PLEC: variants seen among roughly 807,000 people sequenced by gnomAD.
PLEC encodes hemidesmosomal protein 1.
A neutral mutation model predicts 392.8 loss-of-function variants in PLEC; 216 were observed. The observed-to-expected ratio is 0.55, with a 90% confidence interval of 0.49 to 0.62. The LOEUF is 0.62. Among genes scored for constraint, PLEC ranks in the 20% least tolerant of loss-of-function variants. PLEC has a pLI of 0.00. For missense variants in PLEC, 6,863 were observed against 6,563.4 expected (o/e 1.05, Z -1.58); for synonymous variants, 3,621 against 2,980.6 (o/e 1.21, Z -7.00).
chr8:143,941,188 C>T (rs1467916559), upstream of PLEC, among the ~76,000 whole-genome samples: 1 of 152,180 alleles, frequency 6.6e-6, no homozygotes, highest in African/African-American at 2.4e-5. Context: ...TCTGGGGGCC[C>T]GGCCGTGACC....
At chr8:143,959,155 G>C (rs1403193346) in intron 1 of PLEC, among the ~76,000 whole-genome samples, 1 of 152,242 alleles carries the variant, frequency 6.6e-6, no homozygotes, top group East Asian at 1.9e-4. Flanking sequence ...TGCAGGCGCA[G>C]CTCTCGGTCC....
Position 143,923,506 on chromosome 8 carries a change from C to T in PLEC, c.6423G>A (p.Glu2141=). ...CCCGCCGCGCCGCCTCTTGCTCGGCCTCCTTGCGCAGCTTCTCTGCAGCCG... is the reference window on the plus strand; with the variant it reads ...CCCGCCGCGCCGCCTCTTGCTCGGCTTCCTTGCGCAGCTTCTCTGCAGCCG... The part of the protein sequence containing the change: ...AQAAAEKLRK[E]AEQEAARRAQ... Residue 2141 remains glutamate, a synonymous_variant, in exon 31 of 32, where the codon GAG becomes GAA. Coordinates refer to ENST00000345136, the MANE Select transcript of PLEC (RefSeq NM_201384.3). The T allele has an allele frequency of 6.3e-7, 1 of 1,597,480 alleles. No individual in the cohort carries two copies.
chr8:143,928,861 C>T (rs950584367), intron 25 of PLEC, among the ~76,000 whole-genome samples: 1 of 152,320 alleles, frequency 6.6e-6, no homozygotes, highest in African/African-American at 2.4e-5. Context: ...TCCACTGTCT[C>T]TTCCCCACAC....
In PLEC at chr8:143,918,805, G is replaced by C. The variant is rs376687476; in HGVS notation, c.11016C>G (p.Ser3672Arg). Residue 3672 changes from serine to arginine, a missense_variant, in exon 32 of 32, where the codon AGC becomes AGG. Transcript: ENST00000345136. Reference sequence around the variant, plus strand: ...ACTCCGCCTCGAGAGCCTCACGGAGGCTCCTGGTGCCCTCCCGGAGCAGGT... The same window carrying C: ...ACTCCGCCTCGAGAGCCTCACGGAGCCTCCTGGTGCCCTCCCGGAGCAGGT... ...TYNLLREGTRSLREALEAESA... is the reference protein window; with the variant it reads ...TYNLLREGTRRLREALEAESA... 4.3e-6 allele frequency: 7 copies of C among 1,613,074 alleles called. No individual in the cohort carries two copies. Among genetic ancestry groups the C allele is most frequent in the Non-Finnish European group, 5.9e-6 (7 of 1,180,030 alleles).
At chr8:143,943,048 T>C (rs1293189792), upstream of PLEC, among the ~76,000 whole-genome samples, 1 of 152,130 alleles carries the variant, frequency 6.6e-6, no homozygotes, top group Non-Finnish European at 1.5e-5. Context: ...CCAAGTCCCA[T>C]CCTGGCAGCT....
At position 143,922,531 on chromosome 8, in the gene PLEC, G is replaced by T; in HGVS notation, c.7398C>A (p.Ala2466=). Residue 2466 remains alanine (A), a synonymous_variant, in exon 31 of 32, where the codon GCC becomes GCA. Transcript: ENST00000345136. ...CCTCAGACTTGAGCTGCAGCAGTTTGGCCTCCTGTTGGAGCTTCTCCTTCT... is the reference window on the plus strand; with the variant it reads ...CCTCAGACTTGAGCTGCAGCAGTTTTGCCTCCTGTTGGAGCTTCTCCTTCT... ...EREKEKLQQE[A]KLLQLKSEEM... 1 of 1,611,638 alleles carries T rather than the reference G, an allele frequency of 6.2e-7. No individual in the cohort carries two copies.
chr8:143,916,679 T>C lies in PLEC; in HGVS notation c.13142A>G (p.Tyr4381Cys). ...CTCCAGGAAGCGCTGGCCGGCCTCG[T>C]AGTAGAGCCAGCCCTTCTTCAGGGC... is the stretch of plus-strand genomic sequence containing the variant. ...AQALKKGWLY[Y>C]EAGQRFLEVQ... Residue 4381 changes from tyrosine (Y) to cysteine (C), a missense_variant, in exon 32 of 32, where the codon TAC (tyrosine) becomes TGC (cysteine). Transcript: ENST00000345136. The C allele has an allele frequency of 7.4e-6, 12 of 1,611,944 alleles. No homozygotes were observed. The highest frequency in any genetic ancestry group is 1.0e-5 in the Non-Finnish European group (12 of 1,179,466).
intron 3 of PLEC, 24 bp from the exon 4 acceptor site, chr8:143,937,266 C>A: frequency 6.3e-7 from 1 of 1,586,638 alleles, no homozygotes; most frequent in Non-Finnish European, 8.6e-7. Context: ...CAGTCAGCAC[C>A]CACAGTGCAG....
Position 143,920,502 on chromosome 8 carries a change from C to T in PLEC, c.9319G>A (p.Asp3107Asn). Reference protein sequence around the residue: ...SAEKAVTGYRDPYTGQSVSLF... With the variant: ...SAEKAVTGYRNPYTGQSVSLF... ...GAGACGCTCTGCCCTGTGTAGGGGT[C>T]CCTGTACCCTGTCACAGCCTTCTCG... Residue 3107 changes from aspartate to asparagine, a missense_variant, in exon 32 of 32, where the codon GAC becomes AAC. Asp to Asn is a conservative substitution (Grantham distance 23). Transcript: ENST00000345136. 1 of 1,610,504 alleles carries T rather than the reference C, an allele frequency of 6.2e-7. No individual in the cohort carries two copies.
exon 1 of PLEC, chr8:143,950,186 G>A: frequency 1.3e-6 from 2 of 1,518,796 alleles, no homozygotes; most frequent in Non-Finnish European, 1.8e-6. Context: ...CAGCTGACCT[G>A]TGGCTGGGGC....
chr8:143,933,000 A>T lies in PLEC; in HGVS notation c.1530T>A (p.Ser510Arg), dbSNP rs1019227256. The T allele has an allele frequency of 6.2e-7, 1 of 1,608,012 alleles. No individual in the cohort carries two copies. The highest frequency in any genetic ancestry group is 2.2e-5 in the East Asian group (1 of 44,498). ...ATQVAQVTLQ[S>R]VQRRPELEDS... ...CCTCCAGCTCGGGGCGCCTCTGCAC[A>T]CTCTGCAGAGTCACCTGGGCCACCT... Residue 510 changes from serine (S) to arginine (R), a missense_variant, in exon 14 of 32, where the codon AGT becomes AGA. Transcript: ENST00000345136.
chr8:143,940,190 C>G (rs781874783), upstream of PLEC, among the ~76,000 whole-genome samples: 9 of 152,180 alleles, frequency 5.9e-5, no homozygotes, highest in Non-Finnish European at 1.2e-4. Context: ...CACCCCAGGC[C>G]TGGCCCCTCC....
chr8:143,918,025 G>A lies in PLEC; in HGVS notation c.11796C>T (p.Thr3932=), dbSNP rs782390579. The change falls in exon 32 of 32, where the codon ACC becomes ACT. Residue 3932 remains threonine (T), a synonymous_variant. Transcript: ENST00000345136. Reference sequence around the variant, plus strand: ...CCACGAAGACACCAGCGATGCAGCTGGTGCCTTCCAGGAACTTCTGCAAGT... The same window carrying A: ...CCACGAAGACACCAGCGATGCAGCTAGTGCCTTCCAGGAACTTCTGCAAGT... ...TKNLQKFLEG[T]SCIAGVFVDA... 22 of 1,610,446 alleles carry A rather than the reference G, an allele frequency of 1.4e-5. No homozygotes were observed. The highest frequency in any genetic ancestry group is 6.7e-5 in the East Asian group (3 of 44,822).
Position 143,918,383 on chromosome 8 carries a change from C to T in PLEC, c.11438G>A (p.Arg3813His), listed in dbSNP as rs782311906. The T allele has an allele frequency of 2.9e-5, 46 of 1,564,558 alleles. No individual in the cohort carries two copies. Among genetic ancestry groups the T allele is most frequent in the African/African-American group, 1.5e-4 (11 of 74,106 alleles). The change falls in exon 32 of 32, where the codon CGC becomes CAC. Residue 3813 changes from arginine to histidine, a missense_variant. Coordinates refer to ENST00000345136, the MANE Select transcript of PLEC (RefSeq NM_201384.3). ...CTCCAGGGGAAGGTGGAAGCCCAGG[C>T]GGGGGTCCACGATGCCGCCGGTGGC... ...QLATGGIVDP[R>H]LGFHLPLEVA... is the part of the protein sequence containing the mutation.
In PLEC at chr8:143,938,650, A is replaced by G; in HGVS notation, c.155T>C (p.Val52Ala). The G allele has an allele frequency of 6.2e-7, 1 of 1,613,792 alleles. No individual in the cohort carries two copies. The highest frequency in any genetic ancestry group is 1.1e-5 in the South Asian group (1 of 91,070). Residue 52 changes from valine to alanine, a missense_variant, in exon 2 of 32, where the codon GTC becomes GCC. Val to Ala is a moderately conservative substitution (Grantham distance 64, BLOSUM62 0). Transcript: ENST00000345136. ...RVQKKTFTKW[V>A]NKHLIKAQRH... ...ACCAACCTTGATGAGGTGCTTGTTG[A>G]CCCACTTGGTGAAGGTTTTCTTCTG...
chr8:143,942,618 G>C, upstream of PLEC: 2 of 1,350,892 alleles, frequency 1.5e-6, no homozygotes, highest in Non-Finnish European at 9.8e-7. Flanking sequence ...TGCCGGCTTC[G>C]CTCTCCACCT....
rs1554694191 is a variant in PLEC at position 143,923,785 on chromosome 8, C to T, written c.6144G>A (p.Gln2048=). The stretch of plus-strand genomic sequence containing the variant: ...CGAAGGCGTGTGCCTTCTCTTCCGC[C>T]TGCAGCCGCTTCTGGGCGGCCTCCT... ...LAQEAAQKRL[Q]AEEKAHAFAV... The change falls in exon 31 of 32, where the codon CAG becomes CAA. Residue 2048 remains glutamine (Q), a synonymous_variant. Transcript: ENST00000345136. 1 of 1,574,926 alleles carries T rather than the reference C, an allele frequency of 6.3e-7. No individual in the cohort carries two copies. Among genetic ancestry groups the T allele is most frequent in the Admixed American group, 1.8e-5 (1 of 57,028 alleles).
intron 1 of PLEC, among the ~76,000 whole-genome samples, chr8:143,967,547 T>C (rs1025244760): frequency 3.3e-5 from 5 of 152,086 alleles, no homozygotes; most frequent in African/African-American, 1.2e-4. Context: ...CGAATACAAG[T>C]GTCCCTCGGT....
chr8:143,925,854 G>C lies in PLEC; in HGVS notation c.4075C>G (p.Arg1359Gly). 6.5e-7 allele frequency: 1 copy of C among 1,549,214 alleles called. No individual in the cohort carries two copies. ...GCCTCCACCTCGGCCAGCCGCTCGC[G>C]CTCCTCTGCCCGCTGCTGCTCAGCC... ...RLAEQQRAEE[R>G]ERLAEVEAAL... Residue 1359 changes from arginine (R) to glycine (G), a missense_variant, in exon 31 of 32, where the codon CGC becomes GGC. Arg to Gly is a moderately radical substitution (Grantham distance 125, BLOSUM62 -2). Coordinates refer to ENST00000345136, the MANE Select transcript of PLEC (RefSeq NM_201384.3).
Sources: gnomAD v4.1 joint callset for allele counts (sites outside exome capture counted in the v4.1 genomes callset) on GRCh38, gnomAD v4.1.1 for gene constraint, MANE v1.5 for transcripts, NCBI Gene and HGNC (gene_info 2026-07-23, HGNC 2026-07-21) for gene names.